KIAA1217: variants seen among roughly 807,000 people sequenced by gnomAD.
KIAA1217 encodes sickle tail protein homolog.
Under a neutral mutation model 163.9 loss-of-function variants are expected in KIAA1217, and 88 were observed. The ratio of observed to expected loss-of-function variants is 0.54; its 90% CI spans 0.45 to 0.64. The LOEUF (loss-of-function observed/expected upper bound fraction) is 0.64, where lower values mean the gene tolerates loss of function less well. Among genes scored for constraint, KIAA1217 ranks in the 30% least tolerant of loss-of-function variants. The probability of loss-of-function intolerance (pLI) is 0.00; values close to 1 mark genes in which losing one functional copy is unlikely to be tolerated. For synonymous variants in KIAA1217, 903 were observed against 923.1 expected (o/e 0.98, Z 0.39); for missense variants, 2,372 against 2,475.0 (o/e 0.96, Z 0.88).
chr10:23,713,382 G>C (rs1203821626), intron 1 of KIAA1217, among the ~76,000 whole-genome samples: 1 of 152,138 alleles, frequency 6.6e-6, no homozygotes, highest in Non-Finnish European at 1.5e-5. Flanking sequence ...CAGAGATTTT[G>C]TTTTTTTACT....
intron 5 of KIAA1217, among the ~76,000 whole-genome samples, chr10:24,462,363 T>G (rs2132635433): frequency 6.6e-6 from 1 of 152,308 alleles, no homozygotes; most frequent in African/African-American, 2.4e-5. Context: ...GTGAGGTACT[T>G]CTCAACAGAC....
At chr10:23,819,040 G>C (rs928035496) in intron 1 of KIAA1217, among the ~76,000 whole-genome samples, 3 of 152,184 alleles carry the variant, frequency 2.0e-5, no homozygotes, top group Non-Finnish European at 4.4e-5. Context: ...CCATTTTAAA[G>C]TGTGGATTAT....
At chr10:23,891,376 A>G (rs1474581031) in intron 1 of KIAA1217, among the ~76,000 whole-genome samples, 2 of 151,924 alleles carry the variant, frequency 1.3e-5, no homozygotes, top group African/African-American at 2.4e-5. Flanking sequence ...TCAGTGGTAT[A>G]AGATCAACCC....
chr10:24,434,099 C>T (rs899029889), intron 4 of KIAA1217, among the ~76,000 whole-genome samples: 6 of 133,432 alleles, frequency 4.5e-5, no homozygotes, highest in African/African-American at 1.4e-4. Flanking sequence ...TACAATGGTG[C>T]GATCTCCGTT....
chr10:23,903,706 T>C (rs930819333), intron 1 of KIAA1217, among the ~76,000 whole-genome samples: 3 of 152,068 alleles, frequency 2.0e-5, no homozygotes, highest in African/African-American at 7.2e-5. Flanking sequence ...AGAGTTTTTA[T>C]GGTTGTCTCT....
At chr10:23,852,947 T>A (rs1192669934) in intron 1 of KIAA1217, among the ~76,000 whole-genome samples, 1 of 152,242 alleles carries the variant, frequency 6.6e-6, no homozygotes, top group African/African-American at 2.4e-5. Context: ...TATACAAGCA[T>A]GTCACCTGCA....
In KIAA1217 at chr10:24,012,869, A is replaced by G. The variant is rs931819669; in HGVS notation, c.-171+5495A>G. On this transcript the variant is annotated intron_variant, in intron 2 of 18. Coordinates refer to the KIAA1217 transcript ENST00000376462. ...GAAAATACACCTTTTTATAAACAGA[A>G]CTATTTTGGGGAGGATGATAAATCA... Among the ~76,000 whole-genome samples, 8 of 152,298 alleles carry G rather than the reference A, an allele frequency of 5.3e-5. No individual in the cohort carries two copies. In the East Asian group the frequency reaches 1.5e-3, roughly 29 times the overall value.
intron 2 of KIAA1217, among the ~76,000 whole-genome samples, chr10:24,303,545 A>T (rs1337687475): frequency 6.6e-6 from 1 of 152,192 alleles, no homozygotes; most frequent in Non-Finnish European, 1.5e-5. Context: ...AAAAGCAGGG[A>T]GTCAAGAATG....
At chr10:24,404,232 A>G (rs1370529614) in intron 3 of KIAA1217, among the ~76,000 whole-genome samples, 1 of 152,174 alleles carries the variant, frequency 6.6e-6, no homozygotes, top group Non-Finnish European at 1.5e-5. Context: ...AAGTGCTGAG[A>G]TTAAGGCATG....
intron 2 of KIAA1217, among the ~76,000 whole-genome samples, chr10:24,310,818 G>A (rs1301416332): frequency 1.3e-5 from 2 of 152,090 alleles, no homozygotes; most frequent in South Asian, 2.1e-4. Flanking sequence ...GCAACTTGGT[G>A]AAAACCCATC....
At chr10:24,022,495 T>A (rs1026264252) in intron 2 of KIAA1217, among the ~76,000 whole-genome samples, 1 of 151,656 alleles carries the variant, frequency 6.6e-6, no homozygotes, top group Non-Finnish European at 1.5e-5. Flanking sequence ...AAAGAGAAAC[T>A]CATTCATTGC....
intron 1 of KIAA1217, among the ~76,000 whole-genome samples, chr10:23,830,575 G>A (rs2131037630): frequency 6.6e-6 from 1 of 152,026 alleles, no homozygotes; most frequent in Admixed American, 6.6e-5. Context: ...CTCCCTTGCA[G>A]GTATGTGTGG....
chr10:23,756,357 C>T (rs973330394), intron 1 of KIAA1217, among the ~76,000 whole-genome samples: 2 of 152,088 alleles, frequency 1.3e-5, no homozygotes, highest in African/African-American at 4.8e-5. Flanking sequence ...TAAAAAACAA[C>T]ATTGGGGCTA....
chr10:23,739,869 T>C (rs1839011987), intron 1 of KIAA1217, among the ~76,000 whole-genome samples: 1 of 152,110 alleles, frequency 6.6e-6, no homozygotes, highest in African/African-American at 2.4e-5. Context: ...GCTCTAGATA[T>C]ATTCTGAAGC....
chr10:24,213,300 A>G (rs570636868), intron 1 of KIAA1217, among the ~76,000 whole-genome samples: 27 of 152,110 alleles, frequency 1.8e-4, no homozygotes, highest in Non-Finnish European at 4.0e-4. Context: ...ATTCCTTGGG[A>G]TGACTCTGTC....
intron 3 of KIAA1217, among the ~76,000 whole-genome samples, chr10:24,394,556 G>T (rs2055446503): frequency 1.3e-5 from 2 of 151,978 alleles, no homozygotes; most frequent in South Asian, 4.1e-4. Context: ...ATACAATCTG[G>T]TTCTTGTATT....
chr10:24,388,735 A>G (rs1013028744), intron 3 of KIAA1217, among the ~76,000 whole-genome samples: 6 of 152,116 alleles, frequency 3.9e-5, no homozygotes, highest in Non-Finnish European at 8.8e-5. Flanking sequence ...CTCTTCAACA[A>G]GCGGGCGAAG....
At chr10:24,278,908 G>A (rs117001634) in intron 2 of KIAA1217, among the ~76,000 whole-genome samples, 6,681 of 149,742 alleles carry the variant, frequency 0.045, 192 homozygotes, top group Non-Finnish European at 0.065. Flanking sequence ...TCAGGCTGGA[G>A]TGCAGCGGCC....
chr10:23,728,879 T>A (rs1429518079), intron 1 of KIAA1217, among the ~76,000 whole-genome samples: 2 of 152,192 alleles, frequency 1.3e-5, no homozygotes, highest in Non-Finnish European at 2.9e-5. Flanking sequence ...AAATGTATGA[T>A]GACATGTATC....
Sources: allele counts gnomAD v4.1 joint callset (sites outside exome capture counted in the v4.1 genomes callset), GRCh38; gene constraint gnomAD v4.1.1; transcripts MANE v1.5; gene names NCBI Gene and HGNC (gene_info 2026-07-23, HGNC 2026-07-21).